The following SVIL variants were observed in gnomAD, a reference collection of about 807,000 sequenced individuals.
SVIL encodes the protein supervillin.
Under a neutral mutation model 240.4 loss-of-function variants are expected in SVIL, and 101 were observed. The observed-to-expected ratio is 0.42, with a 90% confidence interval of 0.36 to 0.50. The LOEUF (loss-of-function observed/expected upper bound fraction) is 0.50, where lower values mean the gene tolerates loss of function less well. Among genes scored for constraint, SVIL ranks in the 20% least tolerant of loss-of-function variants. SVIL has a pLI of 0.01. For missense variants in SVIL, 2,512 were observed against 2,818.7 expected, an observed-to-expected ratio of 0.89 and a Z score of 2.46; for synonymous variants, 999 against 1,100.0, an observed-to-expected ratio of 0.91 and a Z score of 1.82.
In SVIL at chr10:29,487,183, T is replaced by C; in HGVS notation, c.4465A>G (p.Asn1489Asp). 6.2e-7 allele frequency: 1 copy of C among 1,613,898 alleles called. No individual in the cohort carries two copies. The highest frequency in any genetic ancestry group is 8.5e-7 in the Non-Finnish European group (1 of 1,179,868). ...CCAACCTTCGCCTTTTCTATGACGT[T>C]TGCAAACTCTCCTACCCACAGGAAG... ...CCFLWVGEFANVIEKAKASEL... is the reference protein window; with the variant it reads ...CCFLWVGEFADVIEKAKASEL... Residue 1489 changes from asparagine (N) to aspartate (D), a missense_variant, in exon 24 of 38, where the codon AAC becomes GAC. By Grantham distance (23) the Asn-to-Asp change is conservative. Around this residue, in one of 3 missense-constraint regions of SVIL, gnomAD observed 272 missense variants for 406.8 expected, o/e 0.67. Transcript: ENST00000355867.
intron 5 of SVIL, among the ~76,000 whole-genome samples, chr10:29,552,117 C>G (rs1307155000): frequency 9.5e-6 from 1 of 104,866 alleles, no homozygotes. Context: ...GACCTTGTCT[C>G]AAAAAACAAA....
chr10:29,695,733 G>T (rs551776402), intron 1 of SVIL, among the ~76,000 whole-genome samples: 1 of 152,042 alleles, frequency 6.6e-6, no homozygotes, highest in Admixed American at 6.5e-5. Context: ...GACAGAGCAA[G>T]ACTCCCTCTC....
chr10:29,615,711 C>A lies in SVIL; in HGVS notation c.-201+18709G>T, dbSNP rs147858366. Among the ~76,000 whole-genome samples the A allele has an allele frequency of 1.2e-3, 189 of 152,292 alleles. 7 individuals carry two copies. In the East Asian group the frequency reaches 0.033, roughly 26 times the overall value. ...TCCATTCATTAATTTCTTCATTTCA[C>A]AAATATTTATTGCTATATATCAAGC... On this transcript the variant is annotated intron_variant, in intron 1 of 37. Coordinates refer to ENST00000355867, the MANE Select transcript of SVIL (RefSeq NM_021738.3).
chr10:29,552,252 C>T (rs761187646), intron 5 of SVIL, among the ~76,000 whole-genome samples: 13 of 151,380 alleles, frequency 8.6e-5, no homozygotes, highest in Non-Finnish European at 1.6e-4. Flanking sequence ...AAATATTTTC[C>T]GTATTCTATA....
In SVIL at chr10:29,532,593, C is replaced by A. The variant is rs751852381; in HGVS notation, c.1774G>T (p.Val592Phe). ...GCACTTCGGAGCTGGGCGACAGAGA[C>A]TTTTGTGTCCAGCATGCTGATCTCC... The part of the protein sequence containing the change: ...YGEISMLDTK[V>F]SVAQLRSAFL... The change falls in exon 8 of 38, where the codon GTC becomes TTC. Residue 592 changes from valine (V) to phenylalanine (F), a missense_variant. Physicochemically the swap from Val to Phe is conservative, Grantham distance 50 (BLOSUM62 -1). This residue lies in a region of SVIL where 1,443 missense variants were observed against 1,486.6 expected (regional missense o/e 0.97). Coordinates refer to ENST00000355867, the MANE Select transcript of SVIL (RefSeq NM_021738.3). 1.2e-6 allele frequency: 2 copies of A among 1,613,908 alleles called. No homozygotes were observed. The highest frequency in any genetic ancestry group is 1.3e-5 in the African/African-American group (1 of 74,934).
At chr10:29,559,853 G>A (rs11007650) in intron 3 of SVIL, among the ~76,000 whole-genome samples, 46,141 of 152,066 alleles carry the variant, frequency 0.3, 7,272 homozygotes, top group African/African-American at 0.39. Flanking sequence ...ACTTCATAAA[G>A]TTATTTACAA....
At chr10:29,561,012 G>A (rs1954414724) in intron 3 of SVIL, among the ~76,000 whole-genome samples, 1 of 151,568 alleles carries the variant, frequency 6.6e-6, no homozygotes, top group African/African-American at 2.4e-5. Context: ...TAGTAGAGAC[G>A]GGGTTTCACC....
At chr10:29,722,567 A>G (rs557038350) in intron 1 of SVIL, among the ~76,000 whole-genome samples, 11 of 152,228 alleles carry the variant, frequency 7.2e-5, no homozygotes, top group Non-Finnish European at 1.6e-4. Context: ...TTTCCAATTC[A>G]GCACCAAACC....
intron 16 of SVIL, among the ~76,000 whole-genome samples, chr10:29,516,712 A>C (rs1234777508): frequency 6.6e-6 from 1 of 152,242 alleles, no homozygotes; most frequent in Non-Finnish European, 1.5e-5. Flanking sequence ...GAGAGGCACG[A>C]CACTGGCCCG....
intron 16 of SVIL, among the ~76,000 whole-genome samples, chr10:29,517,382 G>A (rs1334231026): frequency 3.9e-5 from 6 of 152,088 alleles, no homozygotes; most frequent in East Asian, 1.9e-4. Flanking sequence ...AGCTATGATC[G>A]CACCACTGCA....
chr10:29,727,555 A>C (rs183041031), intron 1 of SVIL, among the ~76,000 whole-genome samples: 1 of 152,198 alleles, frequency 6.6e-6, no homozygotes, highest in Non-Finnish European at 1.5e-5. Flanking sequence ...CACGCAACAG[A>C]AGCTTTGCAG....
At chr10:29,542,142 G>A (rs1952215634) in intron 6 of SVIL, among the ~76,000 whole-genome samples, 1 of 152,224 alleles carries the variant, frequency 6.6e-6, no homozygotes. Context: ...ATTTGGGTGC[G>A]AGTGTCTCAT....
At chr10:29,509,324 G>GGGGA (rs1407462964) in intron 17 of SVIL, among the ~76,000 whole-genome samples, 1,149 of 79,690 alleles carry the variant, frequency 0.014, 27 homozygotes, top group Non-Finnish European at 0.02. Context: ...GGAGAAGGAG[G>GGGGA]GGGAGGGAGA....
intron 21 of SVIL, among the ~76,000 whole-genome samples, chr10:29,491,881 A>C (rs1366562659): frequency 6.6e-6 from 1 of 152,260 alleles, no homozygotes; most frequent in African/African-American, 2.4e-5. Flanking sequence ...AAATACCCAA[A>C]ATACTATTTT....
intron 1 of SVIL, among the ~76,000 whole-genome samples, chr10:29,628,074 A>G (rs1218063654): frequency 1.3e-5 from 2 of 152,248 alleles, no homozygotes; most frequent in African/African-American, 4.8e-5. Context: ...AAATAAACAA[A>G]TGTAGCTGAA....
rs1039710244 is a variant in SVIL, at chr10:29,532,699, C to A, written c.1668G>T (p.Gln556His). 5 of 1,614,076 alleles carry A rather than the reference C, an allele frequency of 3.1e-6. No homozygotes were observed. The African/African-American group carries it at 6.7e-5, about 22-fold the overall frequency. The change falls in exon 8 of 38, where the codon CAG (glutamine) becomes CAT (histidine). Residue 556 changes from glutamine to histidine, a missense_variant. Coordinates refer to ENST00000355867, the MANE Select transcript of SVIL (RefSeq NM_021738.3). ...GGTCCTTATACTTCAAGGCCTGGAG[C>A]TGAGGGGGGCCTGTGAAATCTGACA... ...RSLSDFTGPPQLQALKYKDPA... is the reference protein window; with the variant it reads ...RSLSDFTGPPHLQALKYKDPA...
intron 5 of SVIL, among the ~76,000 whole-genome samples, chr10:29,553,656 G>A (rs938073372): frequency 6.6e-6 from 1 of 152,186 alleles, no homozygotes; most frequent in Non-Finnish European, 1.5e-5. Context: ...ACTGTGGTGG[G>A]AAGAGCAGCC....
Position 29,532,132 on chromosome 10 carries a change from G to T in SVIL, c.1879C>A (p.Pro627Thr). The T allele has an allele frequency of 6.2e-7, 1 of 1,613,960 alleles. No homozygotes were observed. The highest frequency in any genetic ancestry group is 2.2e-5 in the East Asian group (1 of 44,876). ...VERSAEGPGL[P>T]TGVERERGSR... ...CCTCTCTCCCGTTCCACACCGGTGG[G>T]CAAGCCAGGTCCTTCAGCCGACCTC... is the stretch of plus-strand genomic sequence containing the variant. Residue 627 changes from proline (P) to threonine (T), a missense_variant, in exon 9 of 38, where the codon CCC becomes ACC. Transcript: ENST00000355867.
At chr10:29,627,445 T>C (rs1326067459) in intron 1 of SVIL, among the ~76,000 whole-genome samples, 1 of 152,192 alleles carries the variant, frequency 6.6e-6, no homozygotes, top group Non-Finnish European at 1.5e-5. Context: ...TGTTCCTCCT[T>C]CTTTCTCTGG....
Sources: allele counts gnomAD v4.1 joint callset (sites outside exome capture counted in the v4.1 genomes callset), GRCh38; gene constraint gnomAD v4.1.1; regional missense constraint gnomAD v4.1.1; transcripts MANE v1.5; gene names NCBI Gene and HGNC (gene_info 2026-07-23, HGNC 2026-07-21).